ATP6V1E1: variants seen among roughly 807,000 people sequenced by gnomAD.
ATP6V1E1 encodes ATPase H+ transporting V1 subunit E1.
Under a neutral mutation model 35.2 loss-of-function variants are expected in ATP6V1E1, and 21 were observed. The observed-to-expected ratio is 0.60, with a 90% confidence interval of 0.42 to 0.86. ATP6V1E1 has a LOEUF of 0.86. Among genes scored for constraint, ATP6V1E1 ranks in the 40% least tolerant of loss-of-function variants. ATP6V1E1 has a pLI of 0.00. For missense variants in ATP6V1E1, 183 were observed against 272.6 expected (o/e 0.67, Z 2.32); for synonymous variants, 83 against 87.8 (o/e 0.95, Z 0.30).
chr22:17,594,252 T>G (rs1042168732), intron 8 of ATP6V1E1, among the ~76,000 whole-genome samples: 2 of 152,166 alleles, frequency 1.3e-5, no homozygotes, highest in African/African-American at 4.8e-5. Context: ...CCATCACTCC[T>G]GTTAGAGAAA....
At chr22:17,603,038 C>A (rs2057769297) in intron 4 of ATP6V1E1, among the ~76,000 whole-genome samples, 2 of 152,136 alleles carry the variant, frequency 1.3e-5, no homozygotes, top group South Asian at 4.1e-4. Context: ...CTCACTGCAA[C>A]CTCCACCTCC....
intron 4 of ATP6V1E1, among the ~76,000 whole-genome samples, chr22:17,611,973 TAG>T (rs2057817830): frequency 6.6e-6 from 1 of 152,266 alleles, no homozygotes. Flanking sequence ...GTAGCTATTA[TAG>T]AGAGATCTAC....
At chr22:17,625,346 A>G (rs1393647834) in intron 1 of ATP6V1E1, among the ~76,000 whole-genome samples, 2 of 152,056 alleles carry the variant, frequency 1.3e-5, no homozygotes, top group Non-Finnish European at 2.9e-5. Context: ...GCTTGCTGCA[A>G]CCTCTGGGTT....
At chr22:17,611,186 A>T (rs1181893797) in intron 4 of ATP6V1E1, among the ~76,000 whole-genome samples, 2 of 152,216 alleles carry the variant, frequency 1.3e-5, no homozygotes, top group South Asian at 4.1e-4. Flanking sequence ...AAGGAATTTG[A>T]ATCCCCTGGA....
intron 4 of ATP6V1E1, among the ~76,000 whole-genome samples, chr22:17,605,347 A>G (rs2057781395): frequency 6.6e-6 from 1 of 151,972 alleles, no homozygotes; most frequent in Admixed American, 6.6e-5. Context: ...CCTGGCCAAC[A>G]TGGAAAAACC....
At chr22:17,601,326 G>A (rs1340165691) in intron 4 of ATP6V1E1, 145 bp from the exon 5 acceptor site, 4 of 635,844 alleles carry the variant, frequency 6.3e-6, no homozygotes, top group Non-Finnish European at 1.1e-5. Flanking sequence ...TGAGATCTGA[G>A]ATAAAGCAGG....
intron 6 of ATP6V1E1, among the ~76,000 whole-genome samples, chr22:17,598,609 T>A (rs1192825141): frequency 6.6e-6 from 1 of 151,988 alleles, no homozygotes; most frequent in East Asian, 1.9e-4. Context: ...TGTTAGAAGC[T>A]GGGGGTAGGT....
intron 1 of ATP6V1E1, among the ~76,000 whole-genome samples, chr22:17,620,158 T>A (rs575901825): frequency 6.6e-6 from 1 of 151,706 alleles, no homozygotes; most frequent in South Asian, 2.1e-4. Flanking sequence ...TTGTTTTTTT[T>A]TTTTTTTGAG....
intron 4 of ATP6V1E1, among the ~76,000 whole-genome samples, chr22:17,611,815 G>A (rs1034472): frequency 0.35 from 52,885 of 151,964 alleles, 9,526 homozygotes; most frequent in African/African-American, 0.41. Context: ...TGCCACCATC[G>A]ATTAATAAGA....
At chr22:17,599,957 G>T in intron 6 of ATP6V1E1, 70 bp downstream of exon 6, 1 of 1,119,970 alleles carries the variant, frequency 8.9e-7, no homozygotes, top group Non-Finnish European at 1.3e-6. Context: ...GGAAGGAAAA[G>T]AAAGAGAGAG....
chr22:17,623,786 C>G (rs574573034), intron 1 of ATP6V1E1, among the ~76,000 whole-genome samples: 2 of 152,166 alleles, frequency 1.3e-5, no homozygotes, highest in Non-Finnish European at 2.9e-5. Flanking sequence ...CTCTGCTGCA[C>G]CCTTGGCTAC....
intron 1 of ATP6V1E1, among the ~76,000 whole-genome samples, chr22:17,622,480 C>T (rs1167814310): frequency 1.3e-5 from 2 of 151,926 alleles, no homozygotes; most frequent in African/African-American, 4.8e-5. Flanking sequence ...TGTACCAAAA[C>T]GAATTAAGAA....
At chr22:17,611,432 T>C (rs928215464) in intron 4 of ATP6V1E1, among the ~76,000 whole-genome samples, 1 of 152,230 alleles carries the variant, frequency 6.6e-6, no homozygotes, top group Non-Finnish European at 1.5e-5. Context: ...GCAACTTTTA[T>C]TATTTGAAGT....
At chr22:17,616,207 G>C (rs1418201598) in intron 2 of ATP6V1E1, among the ~76,000 whole-genome samples, 1 of 152,112 alleles carries the variant, frequency 6.6e-6, no homozygotes, top group East Asian at 1.9e-4. Context: ...ATTTAGCTGG[G>C]CATGGTGGCA....
rs2057705603 is a variant in ATP6V1E1, at chr22:17,592,173, C to CG, written c.*500_*501insC. On this transcript the variant is annotated 3_prime_UTR_variant, in exon 9 of 9. Transcript: ENST00000253413. ...TACACTAGAAATCACATTAAATCCG[C>CG]ATAACTCTTTTAATAAATAAAGCAT... 3 of 154,208 alleles carry CG rather than the reference C, an allele frequency of 1.9e-5. No individual in the cohort carries two copies. The highest frequency in any genetic ancestry group is 7.2e-5 in the African/African-American group (3 of 41,474). The allele number at this position is 154,208 out of a possible 1,614,324, so 9.6% of individuals were successfully genotyped here.
chr22:17,599,292 A>G (rs1188332365), intron 6 of ATP6V1E1, among the ~76,000 whole-genome samples: 1 of 151,332 alleles, frequency 6.6e-6, no homozygotes, highest in Non-Finnish European at 1.5e-5. Flanking sequence ...AAAAAAAAAG[A>G]AAGGCAGGGC....
chr22:17,620,454 T>C (rs2057870549), intron 1 of ATP6V1E1, among the ~76,000 whole-genome samples: 1 of 151,740 alleles, frequency 6.6e-6, no homozygotes, highest in Non-Finnish European at 1.5e-5. Flanking sequence ...GCGAGCAACC[T>C]TCCCTTCTTT....
At chr22:17,597,526 T>C (rs1352124952) in intron 7 of ATP6V1E1, among the ~76,000 whole-genome samples, 1 of 150,988 alleles carries the variant, frequency 6.6e-6, no homozygotes, top group Non-Finnish European at 1.5e-5. Context: ...TAACTATTAC[T>C]TAGAAGAAGG....
rs368543194 is a variant in ATP6V1E1, at chr22:17,592,650, C to T, written c.*24G>A. The T allele has an allele frequency of 4.2e-5, 68 of 1,611,230 alleles. No homozygotes were observed. Among genetic ancestry groups the T allele is most frequent in the African/African-American group, 2.7e-4 (20 of 74,832 alleles). ...TTCCACATCACAGCAGGAGAGCTGA[C>T]GACGAGCTCCACCTCCTGAAGGCTT... On this transcript the variant is annotated 3_prime_UTR_variant, in exon 9 of 9. Coordinates refer to ENST00000253413, the MANE Select transcript of ATP6V1E1 (RefSeq NM_001696.4).
Sources: allele counts gnomAD v4.1 joint callset (sites outside exome capture counted in the v4.1 genomes callset), GRCh38; gene constraint gnomAD v4.1.1; transcripts MANE v1.5; gene names NCBI Gene and HGNC (gene_info 2026-07-23, HGNC 2026-07-21).